Variants in ANK2 observed in about 807,000 individuals in gnomAD.
ANK2 encodes ankyrin 2.
Under a neutral mutation model 360.5 loss-of-function variants are expected in ANK2, and 83 were observed. That is an observed-to-expected ratio of 0.23 (90% confidence interval 0.19 to 0.28). The LOEUF (loss-of-function observed/expected upper bound fraction) is 0.28. Among genes scored for constraint, ANK2 ranks in the 10% least tolerant of loss-of-function variants. The probability of loss-of-function intolerance (pLI) is 1.00; values close to 1 mark genes in which losing one functional copy is unlikely to be tolerated. For missense variants in ANK2, 4,201 were observed against 4,795.7 expected, an observed-to-expected ratio of 0.88 and a Z score of 3.66; for synonymous variants, 1,740 against 1,759.5, an observed-to-expected ratio of 0.99 and a Z score of 0.28.
intron 14 of ANK2, among the ~76,000 whole-genome samples, chr4:113,269,804 A>G (rs1251632857): frequency 1.3e-5 from 2 of 152,208 alleles, no homozygotes; most frequent in Non-Finnish European, 2.9e-5. Context: ...ACTCCTTTCT[A>G]GACTTTCTTA....
At chr4:112,850,546 T>G (rs2064698869) in intron 1 of ANK2, among the ~76,000 whole-genome samples, 1 of 127,822 alleles carries the variant, frequency 7.8e-6, no homozygotes, top group Non-Finnish European at 1.6e-5. Flanking sequence ...AGACAGAGTC[T>G]CTCTCTGTCT....
the ANK2 span, among the ~76,000 whole-genome samples, chr4:112,741,372 C>T: frequency 6.6e-6 from 1 of 152,156 alleles, no homozygotes; most frequent in African/African-American, 2.4e-5. Flanking sequence ...TCAGTTGGCC[C>T]TCTTCAGAGA....
intron 1 of ANK2, among the ~76,000 whole-genome samples, chr4:112,887,250 T>C (rs1209557769): frequency 1.3e-5 from 2 of 152,340 alleles, no homozygotes; most frequent in East Asian, 3.9e-4. Flanking sequence ...TTACAATGCT[T>C]TGACTTACAA....
In ANK2 at chr4:113,282,729, T is replaced by C. The variant is rs763702606; in HGVS notation, c.1936T>C (p.Ser646Pro). ...CAAGAAGAATCAAATGCAGATAGCT[T>C]CCACACTCCTGAACTATGGAGCAGA... is the stretch of plus-strand genomic sequence containing the variant. ...AAKKNQMQIA[S>P]TLLNYGAETN... Residue 646 changes from serine to proline, a missense_variant, in exon 18 of 46, where the codon TCC (serine) becomes CCC (proline). By Grantham distance (74) the Ser-to-Pro change is moderately conservative. This residue lies in a region of ANK2 where 1,268 missense variants were observed against 1,650.8 expected (regional missense o/e 0.77). Transcript: ENST00000357077. 2 of 1,613,932 alleles carry C rather than the reference T, an allele frequency of 1.2e-6. No individual in the cohort carries two copies. The highest frequency in any genetic ancestry group is 2.2e-5 in the South Asian group (2 of 91,066).
intron 2 of ANK2, among the ~76,000 whole-genome samples, chr4:112,914,930 A>G (rs2089220918): frequency 6.6e-6 from 1 of 152,212 alleles, no homozygotes; most frequent in African/African-American, 2.4e-5. Flanking sequence ...TGGGAATTCT[A>G]TTTTTGGAAA....
At chr4:112,831,960 T>C (rs6533656) in intron 1 of ANK2, among the ~76,000 whole-genome samples, 91,409 of 151,924 alleles carry the variant, frequency 0.6, 28,702 homozygotes, top group East Asian at 0.93. Context: ...TCTGAACATC[T>C]GAAGGAAAAA....
intron 1 of ANK2, among the ~76,000 whole-genome samples, chr4:113,073,396 A>G (rs1379606219): frequency 6.6e-6 from 1 of 152,176 alleles, no homozygotes; most frequent in Non-Finnish European, 1.5e-5. Flanking sequence ...TCTACTAAAT[A>G]AAAAAAGAAC....
intron 2 of ANK2, among the ~76,000 whole-genome samples, chr4:113,011,642 G>T (rs1299832823): frequency 6.6e-6 from 1 of 152,108 alleles, no homozygotes; most frequent in East Asian, 1.9e-4. Context: ...TTGACTCCCT[G>T]TCTCTGGTGA....
intron 35 of ANK2, among the ~76,000 whole-genome samples, chr4:113,346,572 G>T (rs964327849): frequency 1.5e-4 from 23 of 152,028 alleles, no homozygotes; most frequent in African/African-American, 5.6e-4. Flanking sequence ...ATATAAACTG[G>T]TGTGATGGTG....
At chr4:112,810,171 T>A in the ANK2 span, among the ~76,000 whole-genome samples, 160 of 119,402 alleles carry the variant, frequency 1.3e-3, no homozygotes, top group African/African-American at 3.8e-3. Flanking sequence ...TTTTTTTTTT[T>A]TTTTTTTTTT....
At chr4:113,251,683 C>T (rs565058082) in intron 10 of ANK2, among the ~76,000 whole-genome samples, 9 of 151,676 alleles carry the variant, frequency 5.9e-5, no homozygotes, top group East Asian at 5.9e-4. Flanking sequence ...GGGGTTTCAC[C>T]GTGTTAGCCA....
chr4:112,867,295 T>C (rs949070445), intron 1 of ANK2, among the ~76,000 whole-genome samples: 1 of 152,096 alleles, frequency 6.6e-6, no homozygotes, highest in East Asian at 1.9e-4. Flanking sequence ...TTGTCTGTTC[T>C]CTGGTAGCAT....
At chr4:112,919,652 A>C (rs2090939562) in intron 2 of ANK2, among the ~76,000 whole-genome samples, 1 of 152,174 alleles carries the variant, frequency 6.6e-6, no homozygotes, top group South Asian at 2.1e-4. Context: ...AGTAACAAGC[A>C]GAAAATTCGT....
intron 1 of ANK2, among the ~76,000 whole-genome samples, chr4:112,825,187 A>G (rs1188105209): frequency 1.3e-5 from 2 of 152,112 alleles, no homozygotes; most frequent in African/African-American, 2.4e-5. Context: ...CAGGCCTGTC[A>G]TGGGGTGGGG....
At position 112,937,218 on chromosome 4, in the gene ANK2, T is replaced by C. The variant is rs939279872; in HGVS notation, c.21+32704T>C. 3.3e-5 allele frequency among the ~76,000 whole-genome samples: 5 copies of C among 152,214 alleles called. No homozygotes were observed. In the East Asian group the frequency reaches 7.7e-4, roughly 23 times the overall value. ...GTAAATTAGTGATGGGTGACAAAAA[T>C]CTCACCTTCCATGACTTACCTTTTG... On this transcript the variant is annotated intron_variant, in intron 2 of 30. Transcript: ENST00000503271.
intron 2 of ANK2, among the ~76,000 whole-genome samples, chr4:113,175,170 G>A (rs958325829): frequency 1.3e-5 from 2 of 152,154 alleles, no homozygotes; most frequent in African/African-American, 4.8e-5. Context: ...GTTGTGTGTT[G>A]TGTGTATGTG....
intron 1 of ANK2, among the ~76,000 whole-genome samples, chr4:113,090,431 C>T (rs2087295552): frequency 6.6e-6 from 1 of 152,012 alleles, no homozygotes; most frequent in African/African-American, 2.4e-5. Flanking sequence ...ATAGGTGAGA[C>T]GTTAGAACTT....
chr4:113,369,832 C>T (rs2154067605), intron 43 of ANK2, 27 bp downstream of exon 43: 1 of 1,613,620 alleles, frequency 6.2e-7, no homozygotes, highest in Non-Finnish European at 8.5e-7. Context: ...CACTTTCTCG[C>T]CCACCTGTAA....
At position 112,887,608 on chromosome 4, in the gene ANK2, G is replaced by A. The variant is rs1241471839; in HGVS notation, c.-39-16847G>A. Among the ~76,000 whole-genome samples the A allele has an allele frequency of 2.0e-5, 3 of 151,880 alleles. No homozygotes were observed. In the South Asian group the frequency reaches 6.2e-4, roughly 32 times the overall value. Reference sequence around the variant, plus strand: ...AAACCATATACACTCTTCAATTTTTGTATTTACTCATGTGCAGATAGGTAT... The same window carrying A: ...AAACCATATACACTCTTCAATTTTTATATTTACTCATGTGCAGATAGGTAT... On this transcript the variant is annotated intron_variant, in intron 1 of 30. Transcript: ENST00000503271.
Sources: allele counts gnomAD v4.1 joint callset (sites outside exome capture counted in the v4.1 genomes callset), GRCh38; gene constraint gnomAD v4.1.1; regional missense constraint gnomAD v4.1.1; transcripts MANE v1.5; gene names NCBI Gene and HGNC (gene_info 2026-07-23, HGNC 2026-07-21).